ESRRB: variants seen among roughly 807,000 people sequenced by gnomAD.
ESRRB encodes the protein estrogen related receptor beta, also known as steroid hormone receptor ERR2.
A neutral mutation model predicts 46.0 loss-of-function variants in ESRRB; 16 were observed. That is an observed-to-expected ratio of 0.35 (90% CI 0.24 to 0.53). The LOEUF is 0.53. Ranked by LOEUF, ESRRB falls within the 20% of genes least tolerant of loss-of-function variation. The pLI, the probability that ESRRB is intolerant of heterozygous loss-of-function variation, is 0.93. For missense variants in ESRRB, 488 were observed against 607.4 expected (o/e 0.80, Z 2.07); for synonymous variants, 246 against 259.6 (o/e 0.95, Z 0.50).
upstream of ESRRB, among the ~76,000 whole-genome samples, chr14:76,375,818 TA>T (rs539246146): frequency 1.9e-3 from 288 of 152,222 alleles, 1 homozygote; most frequent in African/African-American, 6.5e-3. Context: ...AAAGATGGGA[TA>T]GGGGTGGCCC....
chr14:76,370,763 T>G (rs1346339437), upstream of ESRRB, among the ~76,000 whole-genome samples: 2 of 152,220 alleles, frequency 1.3e-5, no homozygotes, highest in Admixed American at 6.5e-5. Flanking sequence ...AAAAAAAGAT[T>G]TTTTGTTTCT....
intron 1 of ESRRB, among the ~76,000 whole-genome samples, chr14:76,388,968 C>T (rs560514653): frequency 8.5e-5 from 13 of 152,270 alleles, no homozygotes; most frequent in Admixed American, 1.3e-4. Context: ...CACAGCAGCA[C>T]GTGCAAAATC....
chr14:76,427,244 A>G (rs2139903053), intron 1 of ESRRB, among the ~76,000 whole-genome samples: 1 of 152,334 alleles, frequency 6.6e-6, no homozygotes, highest in East Asian at 1.9e-4. Context: ...TCACTGGCCC[A>G]GCTTGGATCA....
At chr14:76,433,114 C>G (rs920869116) in intron 1 of ESRRB, among the ~76,000 whole-genome samples, 4 of 152,134 alleles carry the variant, frequency 2.6e-5, no homozygotes, top group Admixed American at 6.5e-5. Context: ...ACCAAACCTC[C>G]CTGTAGATTT....
chr14:76,329,059 G>C (rs1481573055), intron 1 of ESRRB, among the ~76,000 whole-genome samples: 1 of 152,156 alleles, frequency 6.6e-6, no homozygotes, highest in East Asian at 1.9e-4. Flanking sequence ...GGGAGGGTAA[G>C]AGAAGGGAAG....
At chr14:76,362,965 G>A (rs529884941) in intron 1 of ESRRB, among the ~76,000 whole-genome samples, 1 of 152,254 alleles carries the variant, frequency 6.6e-6, no homozygotes, top group African/African-American at 2.4e-5. Context: ...ATTTCTGTTT[G>A]TGGGTGAGTC....
In ESRRB at chr14:76,446,369, G is replaced by A. The variant is rs900756890; in HGVS notation, c.460+6619G>A. On this transcript the variant is annotated intron_variant, in intron 2 of 6. Coordinates refer to ENST00000644823, the MANE Select transcript of ESRRB (RefSeq NM_001379180.1). ...AAAGGGAGGTTTTTTTCTGTTGTTC[G>A]TTTTTTTTTTTTGTTTTGTTTTTGT... 1.7e-4 allele frequency among the ~76,000 whole-genome samples: 25 copies of A among 145,974 alleles called. 1 individual carries two copies. Among genetic ancestry groups the A allele is most frequent in the South Asian group, 4.4e-4 (2 of 4,568 alleles).
At chr14:76,365,534 G>C (rs371132669) in intron 1 of ESRRB, among the ~76,000 whole-genome samples, 3 of 152,178 alleles carry the variant, frequency 2.0e-5, no homozygotes, top group South Asian at 2.1e-4. Flanking sequence ...TTGTTTGAAC[G>C]CAGGGGTATG....
chr14:76,458,261 G>A (rs552993513), intron 2 of ESRRB, among the ~76,000 whole-genome samples: 21 of 152,206 alleles, frequency 1.4e-4, no homozygotes, highest in Non-Finnish European at 2.6e-4. Flanking sequence ...CGCCTCAAGA[G>A]ACCACAGGAA....
chr14:76,326,526 G>A (rs73314691), intron 1 of ESRRB, among the ~76,000 whole-genome samples: 2,357 of 152,314 alleles, frequency 0.015, 57 homozygotes, highest in African/African-American at 0.053. Flanking sequence ...TGAGCCATAC[G>A]GAAGCACCAG....
intron 6 of ESRRB, 54 bp downstream of exon 6, chr14:76,491,770 TA>T: frequency 6.6e-7 from 1 of 1,517,378 alleles, no homozygotes; most frequent in Non-Finnish European, 8.9e-7. Context: ...TGCATGGGCC[TA>T]ATGAGCCCAT....
rs747537346 is a variant in ESRRB, at chr14:76,439,378, G to C, written c.88G>C (p.Gly30Arg). The C allele has an allele frequency of 6.2e-7, 1 of 1,613,694 alleles. No homozygotes were observed. Among genetic ancestry groups the C allele is most frequent in the South Asian group, 1.1e-5 (1 of 91,084 alleles). ...GATGTCCTCGGACGACAGGCACCTG[G>C]GCTCCAGCTGCGGCTCCTTCATCAA... ...NRMSSDDRHL[G>R]SSCGSFIKTE... The change falls in exon 2 of 7, where the codon GGC (glycine) becomes CGC (arginine). Residue 30 changes from glycine to arginine, a missense_variant. By Grantham distance (125) the Gly-to-Arg change is moderately radical. Coordinates refer to ENST00000644823, the MANE Select transcript of ESRRB (RefSeq NM_001379180.1).
chr14:76,354,230 C>CCT (rs1555390244), intron 1 of ESRRB, among the ~76,000 whole-genome samples: 1 of 100,906 alleles, frequency 9.9e-6, no homozygotes. Context: ...ACCCGCCCCC[C>CCT]CCCCCACCCA....
intron 1 of ESRRB, among the ~76,000 whole-genome samples, chr14:76,352,677 G>A (rs1240426419): frequency 3.3e-5 from 5 of 152,124 alleles, no homozygotes; most frequent in African/African-American, 4.8e-5. Context: ...CTGGCTTTCT[G>A]GTGAGGATTG....
chr14:76,396,221 C>A (rs1165947241), intron 1 of ESRRB, among the ~76,000 whole-genome samples: 1 of 152,044 alleles, frequency 6.6e-6, no homozygotes, highest in Admixed American at 6.5e-5. Context: ...AAACAGCCTT[C>A]ACAGGTTCAT....
upstream of ESRRB, among the ~76,000 whole-genome samples, chr14:76,369,570 G>A (rs995935782): frequency 6.6e-6 from 1 of 152,012 alleles, no homozygotes; most frequent in Non-Finnish European, 1.5e-5. Context: ...CACCACGCCC[G>A]GCCTCGATGT....
At position 76,344,765 on chromosome 14, in the gene ESRRB, T is replaced by A. The variant is rs190215490; in HGVS notation, c.2+33849T>A. ...TACTTGGGAAGCTGAGGCAGGAGAA[T>A]GGTGTGAACCTAGGAGGCGGAAGTT... On this transcript the variant is annotated intron_variant, in intron 1 of 6. Coordinates refer to the ESRRB transcript ENST00000512784. Among the ~76,000 whole-genome samples the A allele has an allele frequency of 1.2e-4, 18 of 151,200 alleles. No homozygotes were observed. The East Asian group carries it at 3.1e-3, about 26-fold the overall frequency.
intron 1 of ESRRB, among the ~76,000 whole-genome samples, chr14:76,434,112 C>T (rs1261727238): frequency 6.6e-6 from 1 of 152,184 alleles, no homozygotes; most frequent in Middle Eastern, 3.2e-3. Flanking sequence ...GCATGTGCCA[C>T]CATGCCTGGC....
In ESRRB at chr14:76,499,426, G is replaced by A. The variant is rs1477198553; in HGVS notation, c.*968G>A. 5 of 328,978 alleles carry A rather than the reference G, an allele frequency of 1.5e-5. No homozygotes were observed. The highest frequency in any genetic ancestry group is 3.0e-5 in the Non-Finnish European group (5 of 168,948). 20.4% of individuals were successfully genotyped at this position (328,978 alleles called of 1,614,324 possible). On this transcript the variant is annotated 3_prime_UTR_variant, in exon 7 of 7. Transcript: ENST00000644823. ...GAGGATCAGGACAGGATGGACAGAG[G>A]CCCAGACTCATCTTTGCCAAGCACA...
Sources: gnomAD v4.1 joint callset for allele counts (sites outside exome capture counted in the v4.1 genomes callset) on GRCh38, gnomAD v4.1.1 for gene constraint, MANE v1.5 for transcripts, NCBI Gene and HGNC (gene_info 2026-07-23, HGNC 2026-07-21) for gene names.